CACNA2D2: variants seen among roughly 807,000 people sequenced by gnomAD.
CACNA2D2 encodes the protein calcium voltage-gated channel auxiliary subunit alpha2delta 2, also known as voltage-dependent calcium channel subunit alpha-2/delta-2.
CACNA2D2 carries 48 observed loss-of-function variants against 166.4 expected under a neutral mutation model. The ratio of observed to expected loss-of-function variants is 0.29; its 90% CI spans 0.23 to 0.37. CACNA2D2 has a LOEUF of 0.37. CACNA2D2 is among the 10% of genes least tolerant of loss of function. The pLI is 1.00. For synonymous variants in CACNA2D2, 561 were observed against 573.7 expected, an observed-to-expected ratio of 0.98 and a Z score of 0.32; for missense variants, 1,122 against 1,433.0, an observed-to-expected ratio of 0.78 and a Z score of 3.50.
intron 3 of CACNA2D2, among the ~76,000 whole-genome samples, chr3:50,399,571 G>A (rs765417544): frequency 6.6e-6 from 1 of 152,128 alleles, no homozygotes; most frequent in Non-Finnish European, 1.5e-5. Context: ...GTGGTCCAGT[G>A]CCTACCCTGG....
chr3:50,377,525 C>T lies in CACNA2D2; in HGVS notation c.1568G>A (p.Gly523Asp). Reference protein sequence around the residue: ...PGEKKNQLILGVMGIDVALND... With the variant: ...PGEKKNQLILDVMGIDVALND... The stretch of plus-strand genomic sequence containing the variant: ...CAGAGCCACGTCAATGCCCATCACG[C>T]CCAGGATCAGCTGGTTCTGGGAGCA... The change falls in exon 17 of 38, where the codon GGC becomes GAC. Residue 523 changes from glycine (G) to aspartate (D), a missense_variant. Transcript: ENST00000424201. 6.2e-7 allele frequency: 1 copy of T among 1,613,328 alleles called. No homozygotes were observed. Among genetic ancestry groups the T allele is most frequent in the Non-Finnish European group, 8.5e-7 (1 of 1,179,964 alleles).
intron 1 of CACNA2D2, among the ~76,000 whole-genome samples, chr3:50,478,728 A>G (rs1697909742): frequency 6.6e-6 from 1 of 152,226 alleles, no homozygotes; most frequent in Non-Finnish European, 1.5e-5. Context: ...AGTGTGCTGG[A>G]GTCACAAAAG....
chr3:50,459,077 T>C (rs1190483987), intron 2 of CACNA2D2, among the ~76,000 whole-genome samples: 1 of 152,216 alleles, frequency 6.6e-6, no homozygotes, highest in African/African-American at 2.4e-5. Flanking sequence ...CCATTCCCTC[T>C]TTACCCTTTC....
intron 3 of CACNA2D2, among the ~76,000 whole-genome samples, chr3:50,407,550 G>A (rs1706783163): frequency 6.6e-6 from 1 of 152,198 alleles, no homozygotes; most frequent in Non-Finnish European, 1.5e-5. Flanking sequence ...CCTGGGACTG[G>A]GCAGACAGTG....
chr3:50,396,119 C>T (rs913031323), intron 3 of CACNA2D2, among the ~76,000 whole-genome samples: 2 of 152,074 alleles, frequency 1.3e-5, no homozygotes, highest in African/African-American at 4.8e-5. Context: ...CCATGTCTTG[C>T]CTCCAATCCT....
At chr3:50,461,115 C>T (rs1709566114) in intron 2 of CACNA2D2, among the ~76,000 whole-genome samples, 1 of 152,178 alleles carries the variant, frequency 6.6e-6, no homozygotes, top group South Asian at 2.1e-4. Flanking sequence ...AAAGTGTGCA[C>T]TGAGTGGTAA....
chr3:50,372,256 C>A (rs1704690251), intron 22 of CACNA2D2, among the ~76,000 whole-genome samples: 1 of 152,224 alleles, frequency 6.6e-6, no homozygotes, highest in South Asian at 2.1e-4. Flanking sequence ...CCTCCAAACA[C>A]CTTTGCTGGC....
At chr3:50,481,048 T>G (rs1288150845) in intron 1 of CACNA2D2, among the ~76,000 whole-genome samples, 5 of 143,018 alleles carry the variant, frequency 3.5e-5, no homozygotes, top group Non-Finnish European at 6.2e-5. Flanking sequence ...GATCAGAATG[T>G]GATTTAATTG....
At chr3:50,411,100 C>T (rs1706992421) in intron 3 of CACNA2D2, among the ~76,000 whole-genome samples, 1 of 152,126 alleles carries the variant, frequency 6.6e-6, no homozygotes, top group Admixed American at 6.5e-5. Flanking sequence ...GCTGTGGCTC[C>T]AGGACCTATA....
chr3:50,390,184 C>T (rs587721482), intron 4 of CACNA2D2, among the ~76,000 whole-genome samples: 14 of 152,256 alleles, frequency 9.2e-5, no homozygotes, highest in African/African-American at 2.4e-4. Flanking sequence ...GACCTGGACA[C>T]GTGAGCTCTG....
chr3:50,450,209 T>C (rs1417242310), intron 2 of CACNA2D2, among the ~76,000 whole-genome samples: 2 of 152,136 alleles, frequency 1.3e-5, no homozygotes, highest in Non-Finnish European at 2.9e-5. Context: ...GGGGCAGGAT[T>C]CACACATTCT....
intron 22 of CACNA2D2, among the ~76,000 whole-genome samples, chr3:50,371,605 C>A (rs904979014): frequency 6.6e-6 from 1 of 152,130 alleles, no homozygotes; most frequent in Non-Finnish European, 1.5e-5. Flanking sequence ...GACAGATTGT[C>A]CCTGATACCA....
intron 1 of CACNA2D2, among the ~76,000 whole-genome samples, chr3:50,477,571 G>A (rs1329866231): frequency 6.6e-6 from 1 of 152,190 alleles, no homozygotes; most frequent in Non-Finnish European, 1.5e-5. Flanking sequence ...CCACAAAGGT[G>A]CTCTTTGCCC....
chr3:50,503,674 C>A (rs1699087823), upstream of CACNA2D2: 1 of 155,694 alleles, frequency 6.4e-6, no homozygotes, highest in Admixed American at 6.5e-5. Flanking sequence ...TAGCAGCCGC[C>A]GCCAACCTGC....
chr3:50,375,961 A>G lies in CACNA2D2; in HGVS notation c.1773+2T>C. 3 of 1,612,846 alleles carry G rather than the reference A, an allele frequency of 1.9e-6. No individual in the cohort carries two copies. Among genetic ancestry groups the G allele is most frequent in the Non-Finnish European group, 2.5e-6 (3 of 1,179,886 alleles). Reference sequence around the variant, plus strand: ...CCACCCCTGTTCTCCTCCTCTCCTTACCTCTTCCTTGTTCTCATCCTCTAG... The same window carrying G: ...CCACCCCTGTTCTCCTCCTCTCCTTGCCTCTTCCTTGTTCTCATCCTCTAG... On this transcript the variant is annotated splice_donor_variant, in intron 19 of 37. Coordinates refer to ENST00000424201, the MANE Select transcript of CACNA2D2 (RefSeq NM_006030.4). LOFTEE classifies it high-confidence loss of function. The surrounding 1 kb of genome is among the most constrained non-coding windows in gnomAD (Gnocchi z 4.0).
Position 50,364,387 on chromosome 3 carries a change from T to G in CACNA2D2, c.*279A>C. The stretch of plus-strand genomic sequence containing the variant: ...GGTTTTGGCACCAGTGCGTGTGGCC[T>G]CCCTGTCCCATCCCACTGGGGGGAG... On this transcript the variant is annotated 3_prime_UTR_variant, in exon 38 of 38. Coordinates refer to ENST00000424201, the MANE Select transcript of CACNA2D2 (RefSeq NM_006030.4). 2.2e-6 allele frequency: 1 copy of G among 450,258 alleles called. No individual in the cohort carries two copies. Among genetic ancestry groups the G allele is most frequent in the East Asian group, 3.6e-5 (1 of 28,030 alleles). The allele number at this position is 450,258 out of a possible 1,614,324, so 27.9% of individuals were successfully genotyped here. A position where few individuals can be genotyped will look rare whatever the true frequency, so the allele number is the denominator to read the frequency against.
intron 3 of CACNA2D2, among the ~76,000 whole-genome samples, chr3:50,422,046 G>C (rs1559932524): frequency 6.6e-6 from 1 of 152,080 alleles, no homozygotes; most frequent in African/African-American, 2.4e-5. Context: ...GAGATCCCCT[G>C]ACCCAAAGGC....
chr3:50,451,789 A>G (rs549861362), intron 2 of CACNA2D2, among the ~76,000 whole-genome samples: 4 of 152,114 alleles, frequency 2.6e-5, no homozygotes, highest in Admixed American at 1.3e-4. Flanking sequence ...TGCACCCTTC[A>G]AGCTCACACT....
intron 3 of CACNA2D2, among the ~76,000 whole-genome samples, chr3:50,401,371 G>A (rs1364326512): frequency 1.3e-5 from 2 of 152,188 alleles, no homozygotes; most frequent in Admixed American, 1.3e-4. Context: ...GTCCAGGCTT[G>A]ACACCTCCCT....
Sources: gnomAD v4.1 joint callset for allele counts (sites outside exome capture counted in the v4.1 genomes callset) on GRCh38, gnomAD v4.1.1 for gene constraint, Gnocchi (gnomAD v3.1) non-coding constraint, MANE v1.5 for transcripts, NCBI Gene and HGNC (gene_info 2026-07-23, HGNC 2026-07-21) for gene names.